SPEG: variants seen among roughly 807,000 people sequenced by gnomAD.
SPEG encodes striated muscle enriched protein kinase, also known as striated muscle preferentially expressed protein kinase.
In SPEG, 114 loss-of-function variants were observed where a neutral mutation model predicts 300.4. That is an observed-to-expected ratio of 0.38 (90% CI 0.33 to 0.44). SPEG has a LOEUF of 0.44. Among genes scored for constraint, SPEG ranks in the 20% least tolerant of loss-of-function variants. The pLI is 1.00. For missense variants in SPEG, 4,201 were observed against 4,586.2 expected (o/e 0.92, Z 2.43); for synonymous variants, 1,964 against 2,018.9 (o/e 0.97, Z 0.73).
rs574479570 is a variant in SPEG, at chr2:219,461,374, T to C, written c.2441-508T>C. The C allele has an allele frequency of 1.2e-5, 12 of 992,618 alleles. No homozygotes were observed. The South Asian group carries it at 3.7e-4, about 30-fold the overall frequency. 61.5% of individuals were successfully genotyped at this position (992,618 alleles called of 1,614,324 possible). A position where few individuals can be genotyped will look rare whatever the true frequency, so the allele number is the denominator to read the frequency against. On this transcript the variant is annotated intron_variant, in intron 6 of 40. Transcript: ENST00000312358. ...GGGCAGGCTAGATAGTGCCGCCTCA[T>C]TGGCCCTGGACCGAGGTCGGGATGT...
Position 219,443,174 on chromosome 2 carries a change from G to A in SPEG, c.389-1479G>A. The stretch of plus-strand genomic sequence containing the variant: ...TGGTGCGTGGACCGTGGGCGTCCTT[G>A]CTCTAGCCCATGCCTACTCCTCCTC... On this transcript the variant is annotated intron_variant, in intron 1 of 40. Transcript: ENST00000312358. The surrounding 1 kb of genome is among the most constrained non-coding windows in gnomAD (Gnocchi z 4.6). 3.7e-6 allele frequency: 6 copies of A among 1,611,582 alleles called. No individual in the cohort carries two copies. The highest frequency in any genetic ancestry group is 5.1e-6 in the Non-Finnish European group (6 of 1,178,792).
At chr2:219,492,337 C>T in intron 40 of SPEG, 77 bp downstream of exon 40, 7 of 1,468,280 alleles carry the variant, frequency 4.8e-6, no homozygotes, top group Non-Finnish European at 6.5e-6. Flanking sequence ...CTCCCAGCTC[C>T]TCCCCTGCTC....
intron 1 of SPEG, 36 bp downstream of exon 1, chr2:219,435,401 G>T (rs571172779): frequency 2.0e-6 from 3 of 1,510,446 alleles, no homozygotes; most frequent in East Asian, 2.6e-5. Flanking sequence ...CGGCAGGGGC[G>T]GGGTGCTCAG....
Position 219,451,268 on chromosome 2 carries a change from C to G in SPEG, c.2246C>G (p.Pro749Arg). The G allele has an allele frequency of 6.2e-7, 1 of 1,609,168 alleles. No individual in the cohort carries two copies. The highest frequency in any genetic ancestry group is 8.5e-7 in the Non-Finnish European group (1 of 1,177,992). ...VLLKCIITAN[P>R]PPQVSWHKDG... ...CTCAAGTGTATCATCACTGCCAACC[C>G]CCCGCCCCAAGGTGAGCTCCAGCAC... The change falls in exon 5 of 41, where the codon CCC becomes CGC. Residue 749 changes from proline (P) to arginine (R), a missense_variant. Pro to Arg is a moderately radical substitution (Grantham distance 103). Around this residue, in one of 4 missense-constraint regions of SPEG, gnomAD observed 1,258 missense variants for 1,293.9 expected, o/e 0.97. Transcript: ENST00000312358. This position sits in a 1 kb window ranked among gnomAD's most constrained non-coding sequence, Gnocchi z 6.4.
At chr2:219,461,342 G>A (rs796802718) in intron 6 of SPEG, 2 of 987,732 alleles carry the variant, frequency 2.0e-6, no homozygotes, top group African/African-American at 3.5e-5. Flanking sequence ...AGAAGGGAAA[G>A]GGGGAGGGGC....
Position 219,473,075 on chromosome 2 carries a change from C to T in SPEG, c.4126C>T (p.Pro1376Ser). Residue 1376 changes from proline (P) to serine (S), a missense_variant, in exon 16 of 41, where the codon CCT (proline) becomes TCT (serine). Coordinates refer to ENST00000312358, the MANE Select transcript of SPEG (RefSeq NM_005876.5). The surrounding 1 kb of genome is among the most constrained non-coding windows in gnomAD (Gnocchi z 4.6). ...CAGCAAGCCCTCACCCCCTTCTGAG[C>T]CTGTGCAGCTGCTGGAGCACGGTGA... ...SSSKPSPPSE[P>S]VQLLEHGPTL... 1 of 1,613,846 alleles carries T rather than the reference C, an allele frequency of 6.2e-7. No individual in the cohort carries two copies. The highest frequency in any genetic ancestry group is 2.2e-5 in the East Asian group (1 of 44,876).
intron 39 of SPEG, 79 bp downstream of exon 39, chr2:219,491,948 C>T (rs893460407): frequency 7.3e-7 from 1 of 1,377,354 alleles, no homozygotes; most frequent in Non-Finnish European, 9.9e-7. Flanking sequence ...AACACCCTCT[C>T]CCCCGTGCCC....
chr2:219,441,437 G>T, intron 1 of SPEG: 1 of 459,734 alleles, frequency 2.2e-6, no homozygotes. Context: ...GTCCACACCC[G>T]CCAGGACCCT....
In SPEG at chr2:219,443,080, A is replaced by T; in HGVS notation, c.389-1573A>T. On this transcript the variant is annotated intron_variant, in intron 1 of 40. Coordinates refer to ENST00000312358, the MANE Select transcript of SPEG (RefSeq NM_005876.5). The surrounding 1 kb of genome is among the most constrained non-coding windows in gnomAD (Gnocchi z 4.6). ...ACCTTAGGAACAAGCCTCCCCCTCA[A>T]CTACTCATTCTGGCTTTTCTCTTTC... is the stretch of plus-strand genomic sequence containing the variant. 6.2e-7 allele frequency: 1 copy of T among 1,608,316 alleles called. No individual in the cohort carries two copies. Among genetic ancestry groups the T allele is most frequent in the Non-Finnish European group, 8.5e-7 (1 of 1,176,976 alleles).
At position 219,480,250 on chromosome 2, in the gene SPEG, T is replaced by A; in HGVS notation, c.5342+110T>A. 1 of 1,214,156 alleles carries A rather than the reference T, an allele frequency of 8.2e-7. No individual in the cohort carries two copies. Among genetic ancestry groups the A allele is most frequent in the Non-Finnish European group, 1.2e-6 (1 of 858,436 alleles). 75.2% of individuals were successfully genotyped at this position (1,214,156 alleles called of 1,614,324 possible). ...ACCGAGCCTGAATTCCTCCTGAAGG[T>A]GGGCTGGAGGCATTGTTTGCAGGGT... On this transcript the variant is annotated intron_variant, in intron 25 of 40. Coordinates refer to ENST00000312358, the MANE Select transcript of SPEG (RefSeq NM_005876.5). This position sits in a 1 kb window ranked among gnomAD's most constrained non-coding sequence, Gnocchi z 5.3.
rs764508355 is a variant in SPEG at position 219,477,654 on chromosome 2, C to G, written c.4730-35C>G. 6.6e-7 allele frequency: 1 copy of G among 1,515,652 alleles called. No homozygotes were observed. The highest frequency in any genetic ancestry group is 2.3e-5 in the East Asian group (1 of 44,006). 93.9% of individuals were successfully genotyped at this position (1,515,652 alleles called of 1,614,324 possible). A position where few individuals can be genotyped will look rare whatever the true frequency, so the allele number is the denominator to read the frequency against. On this transcript the variant is annotated intron_variant, in intron 20 of 40. Transcript: ENST00000312358. This position sits in a 1 kb window ranked among gnomAD's most constrained non-coding sequence, Gnocchi z 6.4. ...AGTCTCTGGCCTGCTTGCTTTCTTCCCCTCCCACCTAACACCATGACATCT... is the reference window on the plus strand; with the variant it reads ...AGTCTCTGGCCTGCTTGCTTTCTTCGCCTCCCACCTAACACCATGACATCT...
Position 219,465,890 on chromosome 2 carries a change from T to TGTGCGTATGGGTGTGTGCATGC in SPEG, c.2882-1280_2882-1259dup, listed in dbSNP as rs1191548074. 5.5e-5 allele frequency: 35 copies of TGTGCGTATGGGTGTGTGCATGC among 635,730 alleles called. No homozygotes were observed. The Admixed American group carries it at 8.1e-4, about 15-fold the overall frequency. The allele number at this position is 635,730 out of a possible 1,614,324, so 39.4% of individuals were successfully genotyped here. ...GTGCGTGTGTGCGTGCGTGTGCATG[T>TGTGCGTATGGGTGTGTGCATGC]GTGCGTATGGGTGTGTGCATGCGTG... On this transcript the variant is annotated intron_variant, in intron 9 of 40. Coordinates refer to ENST00000312358, the MANE Select transcript of SPEG (RefSeq NM_005876.5).
At chr2:219,461,364 T>C in intron 6 of SPEG, 1 of 990,726 alleles carries the variant, frequency 1.0e-6, no homozygotes, top group Non-Finnish European at 1.2e-6. Context: ...GGCTAGATAG[T>C]GCCGCCTCAT....
rs1459442030 is a variant in SPEG, at chr2:219,489,222, G to A, written c.8317+1G>A. 1 of 1,613,774 alleles carries A rather than the reference G, an allele frequency of 6.2e-7. No homozygotes were observed. The highest frequency in any genetic ancestry group is 8.5e-7 in the Non-Finnish European group (1 of 1,179,934). On this transcript the variant is annotated splice_donor_variant, in intron 35 of 40. Coordinates refer to ENST00000312358, the MANE Select transcript of SPEG (RefSeq NM_005876.5). LOFTEE classifies it high-confidence loss of function. ...AAGGTCTTTGTCAGGGGTACTCAAGGTCAGTGCAATGGTATGGGGTGGGAG... is the reference window on the plus strand; with the variant it reads ...AAGGTCTTTGTCAGGGGTACTCAAGATCAGTGCAATGGTATGGGGTGGGAG...
In SPEG at chr2:219,459,095, A is replaced by G. The variant is rs918421069; in HGVS notation, c.2441-2787A>G. Among the ~76,000 whole-genome samples, 3 of 152,202 alleles carry G rather than the reference A, an allele frequency of 2.0e-5. No homozygotes were observed. The highest frequency in any genetic ancestry group is 2.4e-5 in the African/African-American group (1 of 41,440). On this transcript the variant is annotated intron_variant, in intron 6 of 40. Coordinates refer to ENST00000312358, the MANE Select transcript of SPEG (RefSeq NM_005876.5). This position sits in a 1 kb window ranked among gnomAD's most constrained non-coding sequence, Gnocchi z 4.9. The stretch of plus-strand genomic sequence containing the variant: ...TTCCTAACGCCAGTATTTTCATCAA[A>G]TGAGTTTGACCTGAGAGTGATGTTG...
In SPEG at chr2:219,468,588, C is replaced by T; in HGVS notation, c.3153C>T (p.Thr1051=). 6.2e-7 allele frequency: 1 copy of T among 1,612,824 alleles called. No individual in the cohort carries two copies. Among genetic ancestry groups the T allele is most frequent in the Non-Finnish European group, 8.5e-7 (1 of 1,179,924 alleles). The change falls in exon 11 of 41, where the codon ACC becomes ACT. Residue 1051 remains threonine (T), a synonymous_variant. Transcript: ENST00000312358. ...CCCCCTGCCCCACAGATGAGCTGACCTGCAGTGCCCGGCTGACCGTGCGGC... is the reference window on the plus strand; with the variant it reads ...CCCCCTGCCCCACAGATGAGCTGACTTGCAGTGCCCGGCTGACCGTGCGGC... The part of the protein sequence containing the change: ...CKLSTAKDEL[T]CSARLTVRPS...
chr2:219,489,254 G>T, intron 35 of SPEG, 33 bp downstream of exon 35: 2 of 1,613,232 alleles, frequency 1.2e-6, no homozygotes, highest in Non-Finnish European at 8.5e-7. Flanking sequence ...GGAGGAGGAA[G>T]GGGGCTCTGA....
chr2:219,470,479 C>G (rs1243554499), intron 13 of SPEG, among the ~76,000 whole-genome samples: 1 of 152,246 alleles, frequency 6.6e-6, no homozygotes, highest in African/African-American at 2.4e-5. Flanking sequence ...GGGTGAGTGT[C>G]TGTCTCAGGA....
At chr2:219,492,449 A>G in intron 40 of SPEG, 145 bp from the exon 41 acceptor site, 1 of 1,079,038 alleles carries the variant, frequency 9.3e-7, no homozygotes. Flanking sequence ...CATTCCGGAG[A>G]CTGGGGAACT....
Sources: allele counts gnomAD v4.1 joint callset (sites outside exome capture counted in the v4.1 genomes callset), GRCh38; gene constraint gnomAD v4.1.1; regional missense constraint gnomAD v4.1.1; non-coding constraint Gnocchi (gnomAD v3.1); transcripts MANE v1.5; gene names NCBI Gene and HGNC (gene_info 2026-07-23, HGNC 2026-07-21).